The following CLSTN2 variants were observed in gnomAD, a reference collection of about 807,000 sequenced individuals.
The protein encoded by CLSTN2 is calsyntenin 2.
CLSTN2 carries 48 observed loss-of-function variants against 101.2 expected under a neutral mutation model. The ratio of observed to expected loss-of-function variants is 0.47; its 90% CI spans 0.38 to 0.60. The LOEUF is 0.60. CLSTN2 is among the 20% of genes least tolerant of loss of function. The pLI is 0.00. For synonymous variants in CLSTN2, 481 were observed against 463.6 expected (o/e 1.04, Z -0.48); for missense variants, 1,160 against 1,238.2 (o/e 0.94, Z 0.95).
chr3:140,026,778 G>A (rs913670501), intron 1 of CLSTN2, among the ~76,000 whole-genome samples: 7 of 152,198 alleles, frequency 4.6e-5, no homozygotes, highest in Non-Finnish European at 1.0e-4. Context: ...ATAGAAGGGA[G>A]GTGAGACCCC....
chr3:139,951,517 G>A (rs1236641069), intron 1 of CLSTN2, among the ~76,000 whole-genome samples: 1 of 152,154 alleles, frequency 6.6e-6, no homozygotes, highest in Non-Finnish European at 1.5e-5. Context: ...GTTAAGCATG[G>A]GGACATCTTG....
chr3:140,035,954 C>A lies in CLSTN2; in HGVS notation c.109+100471C>A, dbSNP rs73867281. ...TTCCCAGTTGCTCGGGTAACATATG[C>A]CACTTCTCAGCTTGGACTCCAGCAG... On this transcript the variant is annotated intron_variant, in intron 1 of 16. Transcript: ENST00000458420. 2.4e-3 allele frequency among the ~76,000 whole-genome samples: 366 copies of A among 152,310 alleles called. 3 individuals are homozygous for A. The highest frequency in any genetic ancestry group is 8.5e-3 in the African/African-American group (355 of 41,564).
chr3:140,577,329 ATGT>A lies in CLSTN2; in HGVS notation c.*11079_*11081del, dbSNP rs1046480284. 7 of 152,202 alleles carry A rather than the reference ATGT, an allele frequency of 4.6e-5. No homozygotes were observed. The highest frequency in any genetic ancestry group is 1.7e-4 in the African/African-American group (7 of 41,446). 9.4% of individuals were successfully genotyped at this position (152,202 alleles called of 1,614,324 possible). On this transcript the variant is annotated 3_prime_UTR_variant, in exon 17 of 17. Coordinates refer to ENST00000458420, the MANE Select transcript of CLSTN2 (RefSeq NM_022131.3). ...CTTGTAAATGCCTACAAACTGATTCATGTTGGTGGTCGTTATGACACTTTCTGT... is the reference window on the plus strand; with the variant it reads ...CTTGTAAATGCCTACAAACTGATTCATGGTGGTCGTTATGACACTTTCTGT...
intron 2 of CLSTN2, among the ~76,000 whole-genome samples, chr3:140,380,076 C>T (rs1349779617): frequency 1.3e-5 from 2 of 152,102 alleles, no homozygotes; most frequent in Non-Finnish European, 2.9e-5. Flanking sequence ...GAATTTCAGA[C>T]AACACCAGGG....
chr3:140,050,299 G>T (rs963207227), intron 1 of CLSTN2, among the ~76,000 whole-genome samples: 4 of 152,188 alleles, frequency 2.6e-5, no homozygotes, highest in Admixed American at 2.6e-4. Flanking sequence ...CTCAGAGCAG[G>T]TGATGAGAGA....
intron 2 of CLSTN2, among the ~76,000 whole-genome samples, chr3:140,250,070 A>G (rs779835999): frequency 2.4e-4 from 37 of 152,318 alleles, no homozygotes; most frequent in African/African-American, 3.8e-4. Flanking sequence ...CTAATTTTTT[A>G]TTAGGCAAAA....
intron 8 of CLSTN2, among the ~76,000 whole-genome samples, chr3:140,519,736 C>T (rs892637732): frequency 1.3e-5 from 2 of 152,142 alleles, no homozygotes; most frequent in African/African-American, 4.8e-5. Context: ...GGGAAGACAG[C>T]ATACTGATGG....
intron 2 of CLSTN2, among the ~76,000 whole-genome samples, chr3:140,234,162 C>G (rs2086395859): frequency 6.6e-6 from 1 of 152,200 alleles, no homozygotes; most frequent in Admixed American, 6.5e-5. Flanking sequence ...GTCACAAATC[C>G]AATTTCCATG....
chr3:140,544,600 A>G (rs569744541), intron 9 of CLSTN2, among the ~76,000 whole-genome samples: 1 of 152,040 alleles, frequency 6.6e-6, no homozygotes, highest in Non-Finnish European at 1.5e-5. Context: ...AAGGCTAAGA[A>G]CCACCATATT....
chr3:140,196,125 A>G (rs2010640138), intron 2 of CLSTN2, among the ~76,000 whole-genome samples: 1 of 152,198 alleles, frequency 6.6e-6, no homozygotes, highest in Non-Finnish European at 1.5e-5. Context: ...ACCGAAGAAG[A>G]ATGCCTGGGA....
intron 1 of CLSTN2, among the ~76,000 whole-genome samples, chr3:140,074,387 T>C (rs2008451263): frequency 6.6e-6 from 1 of 152,078 alleles, no homozygotes; most frequent in Non-Finnish European, 1.5e-5. Context: ...CTGGGCAGCA[T>C]GTCGACAACC....
At chr3:140,031,224 A>G (rs1406598944) in intron 1 of CLSTN2, among the ~76,000 whole-genome samples, 1 of 152,224 alleles carries the variant, frequency 6.6e-6, no homozygotes, top group Non-Finnish European at 1.5e-5. Flanking sequence ...ACTGGACTTC[A>G]CATGCAGAAT....
At chr3:140,376,162 T>C (rs1028193902) in intron 2 of CLSTN2, among the ~76,000 whole-genome samples, 2 of 152,226 alleles carry the variant, frequency 1.3e-5, no homozygotes, top group African/African-American at 4.8e-5. Context: ...TTTCATGCCT[T>C]ACAGTCCAGA....
chr3:140,246,940 T>C, intron 2 of CLSTN2, among the ~76,000 whole-genome samples: 1 of 152,172 alleles, frequency 6.6e-6, no homozygotes, highest in Non-Finnish European at 1.5e-5. Flanking sequence ...ATAATGCTCT[T>C]ATTAGTCATT....
At chr3:140,127,449 C>A (rs1299469574) in intron 1 of CLSTN2, among the ~76,000 whole-genome samples, 1 of 152,148 alleles carries the variant, frequency 6.6e-6, no homozygotes, top group Non-Finnish European at 1.5e-5. Context: ...TAATATGCTG[C>A]AGCCTACCTT....
intron 2 of CLSTN2, among the ~76,000 whole-genome samples, chr3:140,302,906 T>C (rs2087074103): frequency 6.6e-6 from 1 of 152,128 alleles, no homozygotes; most frequent in South Asian, 2.1e-4. Context: ...TGGTGTGAGC[T>C]AAAAGTGTGT....
intron 1 of CLSTN2, among the ~76,000 whole-genome samples, chr3:140,073,075 T>C (rs2008421974): frequency 1.3e-5 from 2 of 152,196 alleles, no homozygotes; most frequent in African/African-American, 4.8e-5. Context: ...ACACGAATGG[T>C]GGCACTGGAA....
intron 1 of CLSTN2, among the ~76,000 whole-genome samples, chr3:140,056,709 G>A (rs907902081): frequency 6.6e-6 from 1 of 152,120 alleles, no homozygotes; most frequent in African/African-American, 2.4e-5. Context: ...CTACAGTTGT[G>A]GACCTAAACT....
intron 1 of CLSTN2, among the ~76,000 whole-genome samples, chr3:140,174,125 C>T (rs1439052694): frequency 6.6e-6 from 1 of 152,192 alleles, no homozygotes; most frequent in African/African-American, 2.4e-5. Flanking sequence ...CTTTTAACAG[C>T]ACCCAAGTCA....
Sources: allele counts gnomAD v4.1 joint callset (sites outside exome capture counted in the v4.1 genomes callset), GRCh38; gene constraint gnomAD v4.1.1; transcripts MANE v1.5; gene names NCBI Gene and HGNC (gene_info 2026-07-23, HGNC 2026-07-21).